The following ZZEF1 variants were observed in gnomAD, a reference collection of about 807,000 sequenced individuals.
ZZEF1 encodes the protein zinc finger ZZ-type and EF-hand domain-containing protein 1.
In ZZEF1, 157 loss-of-function variants were observed where a neutral mutation model predicts 342.8. The observed-to-expected ratio is 0.46, with a 90% CI of 0.40 to 0.52. The LOEUF is 0.52. Ranked by LOEUF, ZZEF1 falls within the 20% of genes least tolerant of loss-of-function variation. The probability of loss-of-function intolerance (pLI) is 0.00; values close to 1 mark genes in which losing one functional copy is unlikely to be tolerated. For missense variants in ZZEF1, 3,480 were observed against 3,725.6 expected, an observed-to-expected ratio of 0.93 and a Z score of 1.72; for synonymous variants, 1,505 against 1,429.1, an observed-to-expected ratio of 1.05 and a Z score of -1.20.
intron 42 of ZZEF1, among the ~76,000 whole-genome samples, chr17:4,030,397 C>T (rs980334986): frequency 2.6e-5 from 4 of 152,270 alleles, no homozygotes; most frequent in South Asian, 2.1e-4. Flanking sequence ...AATGGTTCAA[C>T]GTAATGATTT....
intron 8 of ZZEF1, among the ~76,000 whole-genome samples, chr17:4,103,847 G>A (rs1331737594): frequency 1.3e-5 from 2 of 152,212 alleles, no homozygotes; most frequent in Non-Finnish European, 2.9e-5. Flanking sequence ...TTGAGCCTGG[G>A]AGGTCAAGGC....
At chr17:4,091,696 GA>G (rs1461794406) in intron 11 of ZZEF1, among the ~76,000 whole-genome samples, 1 of 151,884 alleles carries the variant, frequency 6.6e-6, no homozygotes, top group East Asian at 1.9e-4. Flanking sequence ...GGAATCACTT[GA>G]ACCCAAGAGG....
intron 1 of ZZEF1, among the ~76,000 whole-genome samples, chr17:4,138,891 C>T (rs567955097): frequency 6.6e-6 from 1 of 152,316 alleles, no homozygotes; most frequent in South Asian, 2.1e-4. Context: ...TGAGAGAGTC[C>T]CTTCTCCCTG....
intron 6 of ZZEF1, 82 bp downstream of exon 6, chr17:4,109,571 G>T (rs2145474498): frequency 2.1e-6 from 3 of 1,449,212 alleles, no homozygotes; most frequent in Non-Finnish European, 2.9e-6. Flanking sequence ...AATGATGGAA[G>T]GCTGCTCAGT....
chr17:4,134,332 A>ATATATATATT (rs1258791192), intron 1 of ZZEF1, among the ~76,000 whole-genome samples: 6 of 143,908 alleles, frequency 4.2e-5, no homozygotes, highest in East Asian at 3.9e-4. Flanking sequence ...AAGAAAAAAT[A>ATATATATATT]TATATATATT....
At chr17:4,025,673 C>T in intron 42 of ZZEF1, among the ~76,000 whole-genome samples, 1 of 131,378 alleles carries the variant, frequency 7.6e-6, no homozygotes, top group East Asian at 2.1e-4. Context: ...CAGAGTCAGA[C>T]TCCGTCTCAA....
intron 3 of ZZEF1, among the ~76,000 whole-genome samples, chr17:4,115,170 C>T (rs1001571545): frequency 6.6e-6 from 1 of 152,012 alleles, no homozygotes; most frequent in South Asian, 2.1e-4. Flanking sequence ...TACAGGTGTG[C>T]ACCACCACGC....
At chr17:4,061,765 C>T (rs923794452) in intron 30 of ZZEF1, among the ~76,000 whole-genome samples, 6 of 152,028 alleles carry the variant, frequency 3.9e-5, no homozygotes, top group African/African-American at 1.4e-4. Flanking sequence ...GTCCTGACAA[C>T]TCTACCTCTA....
chr17:4,112,566 A>T (rs1385279643), intron 5 of ZZEF1, 43 bp downstream of exon 5: 1 of 1,598,346 alleles, frequency 6.3e-7, no homozygotes, highest in Admixed American at 1.7e-5. Context: ...AAAAAATACT[A>T]CTCCCTTGCT....
chr17:4,051,031 G>C lies in ZZEF1; in HGVS notation c.5613C>G (p.Thr1871=), dbSNP rs769277999. ...CCATTGGGTGGGCCGTGATGCTGTG[G>C]GTAGGCAAATGGCTGCAAAGGCAAG... ...AKKYSYGHLP[T]HSITAHPMVT... is the part of the protein sequence containing the mutation. Residue 1871 remains threonine, a synonymous_variant, in exon 36 of 55, where the codon ACC becomes ACG. Coordinates refer to ENST00000381638, the MANE Select transcript of ZZEF1 (RefSeq NM_015113.4). The C allele has an allele frequency of 4.3e-6, 7 of 1,614,056 alleles. No homozygotes were observed. In the East Asian group the frequency reaches 1.6e-4, roughly 36 times the overall value.
intron 16 of ZZEF1, among the ~76,000 whole-genome samples, chr17:4,083,637 C>CTT (rs35907843): frequency 7.6e-5 from 9 of 118,656 alleles, no homozygotes; most frequent in Admixed American, 4.5e-4. Context: ...GCTTTTGTTC[C>CTT]TTTTTTTTTT....
At chr17:4,024,188 T>TTTTG in intron 43 of ZZEF1, among the ~76,000 whole-genome samples, 1 of 120,108 alleles carries the variant, frequency 8.3e-6, no homozygotes, top group South Asian at 2.7e-4. Context: ...TTGCCCAGGT[T>TTTTG]TTTTTTTTTT....
At chr17:4,081,274 ACATT>A in intron 18 of ZZEF1, 98 bp downstream of exon 18, 3 of 935,324 alleles carry the variant, frequency 3.2e-6, no homozygotes, top group Admixed American at 2.1e-5. Context: ...ACAACAAAGT[ACATT>A]CATACTGCAA....
chr17:4,135,852 G>T (rs1223834832), intron 1 of ZZEF1, among the ~76,000 whole-genome samples: 1 of 151,192 alleles, frequency 6.6e-6, no homozygotes, highest in Non-Finnish European at 1.5e-5. Context: ...ATAAACCTCA[G>T]AACAAGTGCT....
Position 4,054,186 on chromosome 17 carries a change from A to G in ZZEF1, c.5305T>C (p.Phe1769Leu). 2 of 1,611,882 alleles carry G rather than the reference A, an allele frequency of 1.2e-6. No homozygotes were observed. The highest frequency in any genetic ancestry group is 1.7e-6 in the Non-Finnish European group (2 of 1,179,106). ...DPEKQRKMHM[F>L]IARYCDLLNV... is the part of the protein sequence containing the mutation. ...AACAGGTCACAGTAGCGAGCAATGAACATGTGCATCTGTAAGGCCAAACAT... is the reference window on the plus strand; with the variant it reads ...AACAGGTCACAGTAGCGAGCAATGAGCATGTGCATCTGTAAGGCCAAACAT... Residue 1769 changes from phenylalanine to leucine, a missense_variant, in exon 34 of 55, where the codon TTC becomes CTC. Coordinates refer to ENST00000381638, the MANE Select transcript of ZZEF1 (RefSeq NM_015113.4).
chr17:4,112,763 T>G lies in ZZEF1; in HGVS notation c.912A>C (p.Ala304=). ...TGTAGCTCTGGTCAGTGGCAGCCAC[T>G]GCAATGGACAGGTGCCTAAGCACAA... ...PDVVLRHLSI[A]VAATDQSYMP... The change falls in exon 5 of 55, where the codon GCA becomes GCC. Residue 304 remains alanine (A), a synonymous_variant. Transcript: ENST00000381638. 1 of 1,605,868 alleles carries G rather than the reference T, an allele frequency of 6.2e-7. No homozygotes were observed. The highest frequency in any genetic ancestry group is 8.5e-7 in the Non-Finnish European group (1 of 1,174,090).
chr17:4,087,783 A>C (rs867358540), intron 13 of ZZEF1, among the ~76,000 whole-genome samples: 11 of 146,086 alleles, frequency 7.5e-5, no homozygotes, highest in African/African-American at 2.9e-4. Context: ...ATATACACAC[A>C]ACACACACAC....
intron 43 of ZZEF1, among the ~76,000 whole-genome samples, chr17:4,023,954 C>G (rs1331604981): frequency 6.6e-6 from 1 of 152,348 alleles, no homozygotes; most frequent in East Asian, 1.9e-4. Context: ...TGAAATGCCA[C>G]TGAGGCCAGC....
intron 52 of ZZEF1, among the ~76,000 whole-genome samples, chr17:4,011,394 A>C (rs2055950944): frequency 6.7e-6 from 1 of 149,090 alleles, no homozygotes; most frequent in Non-Finnish European, 1.5e-5. Flanking sequence ...AAAGAGCCAG[A>C]CCATGTTTCA....
Sources: allele counts gnomAD v4.1 joint callset (sites outside exome capture counted in the v4.1 genomes callset), GRCh38; gene constraint gnomAD v4.1.1; transcripts MANE v1.5; gene names NCBI Gene and HGNC (gene_info 2026-07-23, HGNC 2026-07-21).